Variants in EIF2B1 observed in about 807,000 individuals in gnomAD.
EIF2B1 encodes the protein eukaryotic translation initiation factor 2B subunit alpha, also known as translation initiation factor eIF2B subunit alpha.
Under a neutral mutation model 36.8 loss-of-function variants are expected in EIF2B1, and 30 were observed. That is an observed-to-expected ratio of 0.81 (90% confidence interval 0.61 to 1.10). EIF2B1 has a LOEUF of 1.10. Ranked by LOEUF, EIF2B1 falls within the 50% of genes least tolerant of loss-of-function variation. The probability of loss-of-function intolerance (pLI) is 0.00; values close to 1 mark genes in which losing one functional copy is unlikely to be tolerated. For synonymous variants in EIF2B1, 139 were observed against 142.2 expected (o/e 0.98, Z 0.16); for missense variants, 271 against 374.8 (o/e 0.72, Z 2.29).
In EIF2B1 at chr12:123,624,056, T is replaced by A. The variant is rs191657461; in HGVS notation, c.627+731A>T. Among the ~76,000 whole-genome samples, 16 of 149,132 alleles carry A rather than the reference T, an allele frequency of 1.1e-4. No homozygotes were observed. The East Asian group carries it at 3.1e-3, about 29-fold the overall frequency. Reference sequence around the variant, plus strand: ...TCTCTATTTTAAAATATATATAATATTTATATATAAATACACGTATTTTAT... The same window carrying A: ...TCTCTATTTTAAAATATATATAATAATTATATATAAATACACGTATTTTAT... On this transcript the variant is annotated intron_variant, in intron 7 of 8. Transcript: ENST00000424014.
chr12:123,621,570 T>C lies in EIF2B1; in HGVS notation c.*186A>G. The C allele has an allele frequency of 4.3e-6, 3 of 696,372 alleles. No homozygotes were observed. Among genetic ancestry groups the C allele is most frequent in the South Asian group, 1.8e-5 (1 of 56,362 alleles). 43.1% of individuals were successfully genotyped at this position (696,372 alleles called of 1,614,324 possible). On this transcript the variant is annotated 3_prime_UTR_variant, in exon 9 of 9. Coordinates refer to ENST00000424014, the MANE Select transcript of EIF2B1 (RefSeq NM_001414.4). ...AATTTAAGTTGGGATTTAGAATAGC[T>C]GACACATTTTTAGATGGGACTGAAA... is the stretch of plus-strand genomic sequence containing the variant.
At chr12:123,628,203 G>A (rs1201551382) in intron 4 of EIF2B1, among the ~76,000 whole-genome samples, 1 of 152,062 alleles carries the variant, frequency 6.6e-6, no homozygotes, top group African/African-American at 2.4e-5. Flanking sequence ...CTACAGATGT[G>A]CGCCACTGTG....
In EIF2B1 at chr12:123,627,051, A is replaced by C. The variant is rs193142170; in HGVS notation, c.475T>G (p.Leu159Val). 1.2e-6 allele frequency: 2 copies of C among 1,614,190 alleles called. No individual in the cohort carries two copies. Among genetic ancestry groups the C allele is most frequent in the East Asian group, 2.2e-5 (1 of 44,886 alleles). The change falls in exon 5 of 9, where the codon TTG (leucine) becomes GTG (valine). Residue 159 changes from leucine to valine, a missense_variant. Physicochemically the swap from Leu to Val is conservative, Grantham distance 32. Transcript: ENST00000424014. ...GAACAGAAAGGTACTTGCCCTGACA[A>C]ATCAGGCTGTGACTCTGTGACGTAT... ...SVYVTESQPD[L>V]SGKKMAKALC...
chr12:123,625,550 ATG>A (rs1261406727), intron 6 of EIF2B1, among the ~76,000 whole-genome samples: 3 of 152,360 alleles, frequency 2.0e-5, no homozygotes, highest in Middle Eastern at 6.8e-3. Flanking sequence ...AGTCTTTAAA[ATG>A]AGCAATTAGT....
At position 123,630,396 on chromosome 12, in the gene EIF2B1, C is replaced by G; in HGVS notation, c.252+1G>C. 6.2e-7 allele frequency: 1 copy of G among 1,614,160 alleles called. No homozygotes were observed. The highest frequency in any genetic ancestry group is 8.5e-7 in the Non-Finnish European group (1 of 1,180,026). ...TAACCCCAGGGAGAACAGGCACTTA[C>G]GGAGTATTCCAGGGAGGCAAGACTG... On this transcript the variant is annotated splice_donor_variant, in intron 3 of 8. Coordinates refer to ENST00000424014, the MANE Select transcript of EIF2B1 (RefSeq NM_001414.4). LOFTEE classifies it high-confidence loss of function. The surrounding 1 kb of genome is among the most constrained non-coding windows in gnomAD (Gnocchi z 4.6).
chr12:123,633,299 G>C (rs1955215794), intron 1 of EIF2B1, among the ~76,000 whole-genome samples: 1 of 150,728 alleles, frequency 6.6e-6, no homozygotes, highest in Non-Finnish European at 1.5e-5. Context: ...ATCCAACAAG[G>C]CAGGAAGGAG....
intron 6 of EIF2B1, 123 bp from the exon 7 acceptor site, chr12:123,624,985 T>A (rs1593779255): frequency 1.1e-6 from 1 of 883,382 alleles, no homozygotes; most frequent in South Asian, 1.4e-5. Context: ...CCTGTTTTTT[T>A]TAAAGCGCAC....
At position 123,621,245 on chromosome 12, in the gene EIF2B1, G is replaced by A; in HGVS notation, c.*511C>T. The A allele has an allele frequency of 4.8e-6, 1 of 207,752 alleles. No individual in the cohort carries two copies. Among genetic ancestry groups the A allele is most frequent in the South Asian group, 8.3e-5 (1 of 11,988 alleles). 12.9% of individuals were successfully genotyped at this position (207,752 alleles called of 1,614,324 possible). A position where few individuals can be genotyped will look rare whatever the true frequency, so the allele number is the denominator to read the frequency against. On this transcript the variant is annotated 3_prime_UTR_variant, in exon 9 of 9. Transcript: ENST00000424014. ...TCGTGTTCTCTTGGTAGTTTTTACT[G>A]TTTGGCTTGATCCTGCTGAGGAATG...
intron 1 of EIF2B1, 58 bp from the exon 2 acceptor site, chr12:123,632,504 G>T: frequency 1.7e-6 from 2 of 1,186,724 alleles, no homozygotes; most frequent in South Asian, 1.2e-5. Context: ...TAAGGCAAGA[G>T]AGCTTGTTAA....
chr12:123,621,956 A>T, intron 8 of EIF2B1, 36 bp from the exon 9 acceptor site: 1 of 1,611,846 alleles, frequency 6.2e-7, no homozygotes, highest in Non-Finnish European at 8.5e-7. Context: ...GGCACTGAAT[A>T]TTTAGTGCTC....
intron 8 of EIF2B1, 73 bp from the exon 9 acceptor site, chr12:123,621,993 G>A: frequency 6.3e-7 from 1 of 1,578,208 alleles, no homozygotes; most frequent in Non-Finnish European, 8.6e-7. Context: ...TGGTGTGAGT[G>A]ATCAGTGTGC....
At chr12:123,633,431 G>T in intron 1 of EIF2B1, 114 bp downstream of exon 1, 1 of 1,490,288 alleles carries the variant, frequency 6.7e-7, no homozygotes, top group Non-Finnish European at 9.3e-7. Context: ...AACCAGCGGA[G>T]CAGCCTGAAA....
intron 1 of EIF2B1, among the ~76,000 whole-genome samples, chr12:123,633,300 C>G (rs969225372): frequency 1.3e-5 from 2 of 150,688 alleles, no homozygotes; most frequent in Admixed American, 1.3e-4. Context: ...TCCAACAAGG[C>G]AGGAAGGAGA....
chr12:123,620,627 T>TATATA lies in EIF2B1; in HGVS notation c.*1128_*1129insTATAT, dbSNP rs1250251932. 1.0e-5 allele frequency: 1 copy of TATATA among 99,806 alleles called. No homozygotes were observed. The highest frequency in any genetic ancestry group is 3.6e-5 in the African/African-American group (1 of 27,476). 6.2% of individuals were successfully genotyped at this position (99,806 alleles called of 1,614,324 possible). On this transcript the variant is annotated 3_prime_UTR_variant, in exon 9 of 9. Coordinates refer to ENST00000424014, the MANE Select transcript of EIF2B1 (RefSeq NM_001414.4). ...ATATATATATATATATATATATATATAAGCTCTTTTTTCTGAGGCTATTTT... is the reference window on the plus strand; with the variant it reads ...ATATATATATATATATATATATATATATATAAAGCTCTTTTTTCTGAGGCTATTTT...
intron 8 of EIF2B1, 98 bp from the exon 9 acceptor site, chr12:123,622,018 G>C: frequency 1.3e-6 from 2 of 1,509,424 alleles, no homozygotes; most frequent in Admixed American, 1.9e-5. Context: ...TCCTGAGACT[G>C]CTCTCTGAAA....
chr12:123,620,618 AT>A lies in EIF2B1; in HGVS notation c.*1137del, dbSNP rs58348785. The A allele has an allele frequency of 2.6e-3, 238 of 90,920 alleles. 2 individuals are homozygous for A. The highest frequency in any genetic ancestry group is 5.6e-3 in the African/African-American group (132 of 23,774). The allele number at this position is 90,920 out of a possible 1,614,324, so 5.6% of individuals were successfully genotyped here. A position where few individuals can be genotyped will look rare whatever the true frequency, so the allele number is the denominator to read the frequency against. On this transcript the variant is annotated 3_prime_UTR_variant, in exon 9 of 9. Transcript: ENST00000424014. ...TATATATATATATATATATATATAT[AT>A]ATATATATAAGCTCTTTTTTCTGAG...
In EIF2B1 at chr12:123,621,458, G is replaced by C; in HGVS notation, c.*298C>G. On this transcript the variant is annotated 3_prime_UTR_variant, in exon 9 of 9. Transcript: ENST00000424014. ...GGGGAGGATGAAGACAGGTGGACTT[G>C]GGCTCATCTTTCATCAGTTAAGTAG... 2.5e-6 allele frequency: 1 copy of C among 406,164 alleles called. No homozygotes were observed. The highest frequency in any genetic ancestry group is 2.1e-5 in the South Asian group (1 of 47,638). The allele number at this position is 406,164 out of a possible 1,614,324, so 25.2% of individuals were successfully genotyped here.
chr12:123,631,054 C>T (rs928480055), intron 2 of EIF2B1, among the ~76,000 whole-genome samples: 1 of 152,136 alleles, frequency 6.6e-6, no homozygotes, highest in Admixed American at 6.6e-5. Flanking sequence ...TAGGGGATCA[C>T]AATAAATAAT....
At chr12:123,626,359 G>C in intron 6 of EIF2B1, 66 bp downstream of exon 6, 1 of 1,601,422 alleles carries the variant, frequency 6.2e-7, no homozygotes, top group Non-Finnish European at 8.6e-7. Context: ...CTTTCAATCT[G>C]AAAACTTGCT....
Sources: allele counts gnomAD v4.1 joint callset (sites outside exome capture counted in the v4.1 genomes callset), GRCh38; gene constraint gnomAD v4.1.1; non-coding constraint Gnocchi (gnomAD v3.1); transcripts MANE v1.5; gene names NCBI Gene and HGNC (gene_info 2026-07-23, HGNC 2026-07-21).